The following FSTL5 variants were observed in gnomAD, a reference collection of about 807,000 sequenced individuals.
The protein encoded by FSTL5 is follistatin like 5.
In FSTL5, 62 loss-of-function variants were observed where a neutral mutation model predicts 89.1. The ratio of observed to expected loss-of-function variants is 0.70; its 90% CI spans 0.57 to 0.86. FSTL5 has a LOEUF of 0.86. FSTL5 is among the 40% of genes least tolerant of loss of function. The pLI, the probability that FSTL5 is intolerant of heterozygous loss-of-function variation, is 0.00. For missense variants in FSTL5, 1,057 were observed against 1,001.6 expected, an observed-to-expected ratio of 1.06 and a Z score of -0.75; for synonymous variants, 383 against 346.2, an observed-to-expected ratio of 1.11 and a Z score of -1.18.
At chr4:162,052,502 G>C (rs1261018948) in intron 2 of FSTL5, among the ~76,000 whole-genome samples, 1 of 151,644 alleles carries the variant, frequency 6.6e-6, no homozygotes, top group African/African-American at 2.4e-5. Context: ...TAGAGCATTT[G>C]AGTAGGAATA....
chr4:162,011,000 A>G (rs1265057934), intron 3 of FSTL5, among the ~76,000 whole-genome samples: 1 of 152,208 alleles, frequency 6.6e-6, no homozygotes, highest in African/African-American at 2.4e-5. Flanking sequence ...GTTAAAGATC[A>G]TTAGTTTTTG....
chr4:161,527,008 ATT>A (rs1386140696), intron 10 of FSTL5, among the ~76,000 whole-genome samples: 24 of 152,148 alleles, frequency 1.6e-4, no homozygotes, highest in Non-Finnish European at 3.5e-4. Flanking sequence ...TGGGGATGGC[ATT>A]GAATCTATAA....
At chr4:161,410,042 C>G in intron 15 of FSTL5, among the ~76,000 whole-genome samples, 1 of 152,268 alleles carries the variant, frequency 6.6e-6, no homozygotes, top group East Asian at 1.9e-4. Context: ...GGAATAAGAT[C>G]TACCATGCAA....
At chr4:161,578,915 T>C (rs1733332043) in intron 8 of FSTL5, among the ~76,000 whole-genome samples, 1 of 152,094 alleles carries the variant, frequency 6.6e-6, no homozygotes, top group Non-Finnish European at 1.5e-5. Flanking sequence ...AGTAAAAATA[T>C]CTTCATACAA....
At chr4:161,957,879 T>C (rs1326216454) in intron 3 of FSTL5, among the ~76,000 whole-genome samples, 1 of 152,068 alleles carries the variant, frequency 6.6e-6, no homozygotes, top group Non-Finnish European at 1.5e-5. Context: ...TGGGGGATGG[T>C]TGAGTTTCAT....
chr4:161,997,699 G>A (rs1279949931), intron 3 of FSTL5, among the ~76,000 whole-genome samples: 3 of 150,120 alleles, frequency 2.0e-5, no homozygotes, highest in Admixed American at 6.7e-5. Flanking sequence ...CCGCCTCCCG[G>A]GTGCACGCTA....
intron 4 of FSTL5, among the ~76,000 whole-genome samples, chr4:161,853,529 C>A (rs920816351): frequency 1.3e-5 from 2 of 151,530 alleles, no homozygotes; most frequent in East Asian, 3.9e-4. Context: ...CGGCCTCCCT[C>A]GGCCTCCCAA....
intron 1 of FSTL5, among the ~76,000 whole-genome samples, chr4:162,141,127 T>C (rs1483936516): frequency 9.5e-6 from 1 of 104,888 alleles, no homozygotes; most frequent in Non-Finnish European, 2.1e-5. Context: ...TTTTTTTTTT[T>C]TTTTTTTGAG....
chr4:161,797,158 C>T (rs1434611), intron 4 of FSTL5, among the ~76,000 whole-genome samples: 1 of 151,384 alleles, frequency 6.6e-6, no homozygotes, highest in African/African-American at 2.4e-5. Flanking sequence ...TATTAGGTCT[C>T]AACATAAACA....
At chr4:161,676,888 A>G (rs1436286767) in intron 6 of FSTL5, among the ~76,000 whole-genome samples, 2 of 151,968 alleles carry the variant, frequency 1.3e-5, no homozygotes, top group Admixed American at 1.3e-4. Flanking sequence ...TTCATGTTTT[A>G]TTCCACATAT....
chr4:162,160,552 T>C (rs1381840658), intron 1 of FSTL5, among the ~76,000 whole-genome samples: 1 of 151,734 alleles, frequency 6.6e-6, no homozygotes, highest in Non-Finnish European at 1.5e-5. Context: ...TATTAAGTAG[T>C]AAAAAATACG....
chr4:161,974,428 AG>A (rs1735573181), intron 3 of FSTL5, among the ~76,000 whole-genome samples: 1 of 142,940 alleles, frequency 7.0e-6, no homozygotes, highest in Admixed American at 7.1e-5. Context: ...AACAGAACAG[AG>A]CCCTCAGAAA....
chr4:161,396,821 G>A (rs182056429), intron 15 of FSTL5, among the ~76,000 whole-genome samples: 2 of 151,836 alleles, frequency 1.3e-5, no homozygotes, highest in East Asian at 3.9e-4. Flanking sequence ...AAACATGAGA[G>A]TTGTTGACTA....
At chr4:161,534,540 G>A (rs747513773) in intron 10 of FSTL5, among the ~76,000 whole-genome samples, 1 of 151,984 alleles carries the variant, frequency 6.6e-6, no homozygotes, top group Non-Finnish European at 1.5e-5. Context: ...ATCTCTACAA[G>A]GATAACTACA....
intron 5 of FSTL5, 148 bp downstream of exon 5, chr4:161,775,728 CAA>C (rs936256105): frequency 3.9e-5 from 17 of 436,398 alleles, no homozygotes; most frequent in Non-Finnish European, 5.7e-5. Flanking sequence ...ATGATGTAGT[CAA>C]GTTTGCTACA....
intron 4 of FSTL5, among the ~76,000 whole-genome samples, chr4:161,844,943 A>T (rs531123366): frequency 6.0e-4 from 92 of 152,264 alleles, no homozygotes; most frequent in African/African-American, 1.1e-3. Context: ...ATAATAATAA[A>T]AAAACTACAC....
intron 4 of FSTL5, among the ~76,000 whole-genome samples, chr4:161,813,433 C>T (rs75552352): frequency 0.082 from 12,278 of 149,782 alleles, 611 homozygotes; most frequent in Middle Eastern, 0.16. Flanking sequence ...ATTTGGGGGG[C>T]GGGGAGCATG....
At chr4:161,806,418 T>C (rs1168173721) in intron 4 of FSTL5, among the ~76,000 whole-genome samples, 1 of 151,980 alleles carries the variant, frequency 6.6e-6, no homozygotes, top group East Asian at 1.9e-4. Context: ...TCAAGAGGGA[T>C]TGGAGGAAAA....
intron 15 of FSTL5, among the ~76,000 whole-genome samples, chr4:161,410,457 A>T (rs1196930441): frequency 6.6e-6 from 1 of 152,232 alleles, no homozygotes; most frequent in South Asian, 2.1e-4. Flanking sequence ...ATATTCTAAG[A>T]TCAACAAAAT....
Sources: allele counts gnomAD v4.1 joint callset (sites outside exome capture counted in the v4.1 genomes callset), GRCh38; gene constraint gnomAD v4.1.1; transcripts MANE v1.5; gene names NCBI Gene and HGNC (gene_info 2026-07-23, HGNC 2026-07-21).